The following SLC47A2 variants were observed in gnomAD, a reference collection of about 807,000 sequenced individuals.
SLC47A2 encodes the protein solute carrier family 47 member 2.
In SLC47A2, 52 loss-of-function variants were observed where a neutral mutation model predicts 67.7. That is an observed-to-expected ratio of 0.77 (90% CI 0.61 to 0.97). The LOEUF is 0.97. Ranked by LOEUF, SLC47A2 falls within the 50% of genes least tolerant of loss-of-function variation. The pLI is 0.00. For missense variants in SLC47A2, 676 were observed against 712.3 expected (o/e 0.95, Z 0.58); for synonymous variants, 278 against 292.9 (o/e 0.95, Z 0.52).
In SLC47A2 at chr17:19,715,002, C is replaced by T. The variant is rs774522702; in HGVS notation, c.225+114G>A. 19 of 1,321,356 alleles carry T rather than the reference C, an allele frequency of 1.4e-5. No homozygotes were observed. The South Asian group carries it at 1.8e-4, about 12-fold the overall frequency. 81.9% of individuals were successfully genotyped at this position (1,321,356 alleles called of 1,614,324 possible). A position where few individuals can be genotyped will look rare whatever the true frequency, so the allele number is the denominator to read the frequency against. Reference sequence around the variant, plus strand: ...ACCTGTGAAGGCAGCTGTCCAGCCACGTGGGCTGTGTCTTCCCATCCCTGA... The same window carrying T: ...ACCTGTGAAGGCAGCTGTCCAGCCATGTGGGCTGTGTCTTCCCATCCCTGA... On this transcript the variant is annotated intron_variant, in intron 2 of 16. Transcript: ENST00000433844.
intron 16 of SLC47A2, among the ~76,000 whole-genome samples, chr17:19,679,258 C>T (rs902747243): frequency 9.2e-5 from 14 of 152,178 alleles, no homozygotes; most frequent in Admixed American, 2.0e-4. Flanking sequence ...TGACAACTTA[C>T]GCTCCCAGAG....
At position 19,678,527 on chromosome 17, in the gene SLC47A2, T is replaced by C. The variant is rs971534408; in HGVS notation, c.*159A>G. 25 of 695,344 alleles carry C rather than the reference T, an allele frequency of 3.6e-5. No homozygotes were observed. The highest frequency in any genetic ancestry group is 6.1e-5 in the Non-Finnish European group (25 of 410,246). 43.1% of individuals were successfully genotyped at this position (695,344 alleles called of 1,614,324 possible). On this transcript the variant is annotated 3_prime_UTR_variant, in exon 17 of 17. Transcript: ENST00000433844. The stretch of plus-strand genomic sequence containing the variant: ...ATTGTCAAGTCTGTTCAGACCCCTC[T>C]GAGTGTCACCACAAGGAATCAGCCA...
chr17:19,693,993 A>G (rs1020447309), intron 13 of SLC47A2, among the ~76,000 whole-genome samples: 9 of 152,232 alleles, frequency 5.9e-5, no homozygotes, highest in African/African-American at 2.2e-4. Context: ...AACATGAACA[A>G]TCTAAAATGA....
At chr17:19,696,166 A>AT (rs1468206003) in intron 13 of SLC47A2, among the ~76,000 whole-genome samples, 2 of 150,744 alleles carry the variant, frequency 1.3e-5, no homozygotes, top group Non-Finnish European at 3.0e-5. Flanking sequence ...AAAAGAGGGA[A>AT]TTTGGGCCTG....
At chr17:19,705,745 G>C (rs2085917344) in intron 9 of SLC47A2, among the ~76,000 whole-genome samples, 2 of 152,204 alleles carry the variant, frequency 1.3e-5, no homozygotes, top group South Asian at 4.2e-4. Flanking sequence ...ACTACAGGTG[G>C]TGCCACCACA....
rs754201695 is a variant in SLC47A2 at position 19,693,635 on chromosome 17, T to TAATAAA, written c.1164+8969_1164+8970insTTTATT. On this transcript the variant is annotated intron_variant, in intron 13 of 16. Transcript: ENST00000433844. The stretch of plus-strand genomic sequence containing the variant: ...AAAATAATAATAATAATAATAATAA[T>TAATAAA]AAATAAATAAAAATTAGCCAGGCAC... 2.4e-3 allele frequency among the ~76,000 whole-genome samples: 338 copies of TAATAAA among 138,442 alleles called. 6 individuals carry two copies. In the South Asian group the frequency reaches 0.027, roughly 11 times the overall value. 90.8% of individuals were successfully genotyped at this position (138,442 alleles called of 152,430 possible). A position where few individuals can be genotyped will look rare whatever the true frequency, so the allele number is the denominator to read the frequency against.
In SLC47A2 at chr17:19,693,632, T is replaced by TAATAATAATA. The variant is rs748006167; in HGVS notation, c.1164+8972_1164+8973insTATTATTATT. On this transcript the variant is annotated intron_variant, in intron 13 of 16. Transcript: ENST00000433844. The stretch of plus-strand genomic sequence containing the variant: ...CTAAAAATAATAATAATAATAATAA[T>TAATAATAATA]AATAAATAAATAAAAATTAGCCAGG... Among the ~76,000 whole-genome samples, 30 of 149,786 alleles carry TAATAATAATA rather than the reference T, an allele frequency of 2.0e-4. No homozygotes were observed. The South Asian group carries it at 5.3e-3, about 26-fold the overall frequency.
intron 6 of SLC47A2, 79 bp downstream of exon 6, chr17:19,708,637 G>T: frequency 1.2e-6 from 2 of 1,601,040 alleles, no homozygotes; most frequent in South Asian, 2.2e-5. Context: ...GAGAGAAGGG[G>T]AAAGCCCCAG....
chr17:19,688,397 CTAGTA>C (rs71157819), intron 13 of SLC47A2, among the ~76,000 whole-genome samples: 83,301 of 151,122 alleles, frequency 0.55, 23,505 homozygotes, highest in East Asian at 0.94. Context: ...AGACCCACAG[CTAGTA>C]TCATACCAAA....
intron 10 of SLC47A2, chr17:19,704,575 C>T (rs2085876592): frequency 2.2e-6 from 3 of 1,375,192 alleles, no homozygotes; most frequent in East Asian, 5.1e-5. Context: ...ATAAGAATCT[C>T]TAAATTGATT....
At chr17:19,711,783 T>G (rs112284366) in intron 5 of SLC47A2, among the ~76,000 whole-genome samples, 3,867 of 152,046 alleles carry the variant, frequency 0.025, 162 homozygotes, top group African/African-American at 0.088. Context: ...GTAATGCATT[T>G]CTGTAATTGA....
rs1042980605 is a variant in SLC47A2, at chr17:19,685,416, C to T, written c.1165-3746G>A. Among the ~76,000 whole-genome samples, 10 of 151,270 alleles carry T rather than the reference C, an allele frequency of 6.6e-5. No individual in the cohort carries two copies. The highest frequency in any genetic ancestry group is 1.9e-4 in the East Asian group (1 of 5,154). ...GAAGTGAGGAGCGTCTCTGCCTGGC[C>T]GCCCATCATCTGGGATGTGAGGAGC... is the stretch of plus-strand genomic sequence containing the variant. On this transcript the variant is annotated intron_variant, in intron 13 of 16. Transcript: ENST00000433844. This position sits in a 1 kb window ranked among gnomAD's most constrained non-coding sequence, Gnocchi z 4.5.
At chr17:19,708,879 A>C in intron 5 of SLC47A2, 119 bp from the exon 6 acceptor site, 1 of 1,288,674 alleles carries the variant, frequency 7.8e-7, no homozygotes. Flanking sequence ...ACTTCATCAA[A>C]GTATGTCTGG....
intron 13 of SLC47A2, among the ~76,000 whole-genome samples, chr17:19,683,081 T>C (rs957408536): frequency 3.3e-5 from 5 of 152,196 alleles, no homozygotes; most frequent in Non-Finnish European, 5.9e-5. Flanking sequence ...AACTTTGTAA[T>C]ATGGTATGTA....
intron 16 of SLC47A2, 62 bp from the exon 17 acceptor site, chr17:19,678,968 G>A: frequency 6.9e-7 from 1 of 1,448,420 alleles, no homozygotes; most frequent in Non-Finnish European, 9.5e-7. Context: ...CTTTGGCCTT[G>A]GAATCGGGAA....
intron 9 of SLC47A2, 33 bp from the exon 10 acceptor site, chr17:19,705,536 C>T (rs1433557414): frequency 1.3e-6 from 2 of 1,595,568 alleles, no homozygotes; most frequent in Admixed American, 1.7e-5. Context: ...GTCCGGCCCG[C>T]AGCCCCAGAC....
At chr17:19,681,755 T>A in intron 13 of SLC47A2, 85 bp from the exon 14 acceptor site, 5 of 1,492,590 alleles carry the variant, frequency 3.3e-6, no homozygotes, top group Non-Finnish European at 4.5e-6. Context: ...GCTAAGCCAT[T>A]CGCATGGCAT....
intron 5 of SLC47A2, among the ~76,000 whole-genome samples, chr17:19,710,400 C>T (rs1012191579): frequency 6.6e-6 from 1 of 151,882 alleles, no homozygotes; most frequent in Non-Finnish European, 1.5e-5. Flanking sequence ...AAAATAGAAA[C>T]CCTGGAAGGG....
At chr17:19,716,298 T>C (rs981176340) in intron 1 of SLC47A2, 135 bp downstream of exon 1, 1 of 1,364,010 alleles carries the variant, frequency 7.3e-7, no homozygotes, top group Admixed American at 2.8e-5. Flanking sequence ...GTCCCCAGAC[T>C]CTGGACCTGG....
Sources: allele counts gnomAD v4.1 joint callset (sites outside exome capture counted in the v4.1 genomes callset), GRCh38; gene constraint gnomAD v4.1.1; non-coding constraint Gnocchi (gnomAD v3.1); transcripts MANE v1.5; gene names NCBI Gene and HGNC (gene_info 2026-07-23, HGNC 2026-07-21).